ISX: variants seen among roughly 807,000 people sequenced by gnomAD.
The protein encoded by ISX is intestine-specific homeobox.
Under a neutral mutation model 16.9 loss-of-function variants are expected in ISX, and 15 were observed. The ratio of observed to expected loss-of-function variants is 0.89; its 90% CI spans 0.59 to 1.36. The LOEUF (loss-of-function observed/expected upper bound fraction) is 1.36, where lower values mean the gene tolerates loss of function less well. Among genes scored for constraint, ISX ranks in the 40% most tolerant of loss-of-function variants. ISX has a pLI of 0.00. For synonymous variants in ISX, 125 were observed against 119.7 expected (o/e 1.04, Z -0.29); for missense variants, 316 against 306.1 (o/e 1.03, Z -0.24).
chr22:35,079,893 C>T (rs549088189), intron 2 of ISX, among the ~76,000 whole-genome samples: 81 of 152,116 alleles, frequency 5.3e-4, no homozygotes, highest in Admixed American at 4.6e-4. Flanking sequence ...CCACTGCCAC[C>T]GGGTTTGGTC....
intron 3 of ISX, 73 bp downstream of exon 3, chr22:35,082,742 G>A: frequency 6.6e-7 from 1 of 1,516,628 alleles, no homozygotes; most frequent in Non-Finnish European, 9.0e-7. Flanking sequence ...TATATCCAGG[G>A]ACTTTTCGGG....
chr22:35,077,052 T>C (rs1929000663), intron 2 of ISX, among the ~76,000 whole-genome samples: 1 of 152,152 alleles, frequency 6.6e-6, no homozygotes, highest in Admixed American at 6.5e-5. Context: ...CCCAAGGGTT[T>C]TCTCACTCCT....
At chr22:35,078,373 C>G (rs1307133923) in intron 2 of ISX, among the ~76,000 whole-genome samples, 1 of 152,204 alleles carries the variant, frequency 6.6e-6, no homozygotes, top group African/African-American at 2.4e-5. Flanking sequence ...AATGAATTAA[C>G]ACCTGCCATT....
chr22:35,067,423 A>G (rs916028136), intron 2 of ISX, 107 bp downstream of exon 2: 2 of 751,354 alleles, frequency 2.7e-6, no homozygotes, highest in East Asian at 2.7e-5. Context: ...AGAGGACTCT[A>G]AAATTCAGAG....
chr22:35,082,764 A>T (rs1351006568), intron 3 of ISX, 95 bp downstream of exon 3: 2 of 1,339,074 alleles, frequency 1.5e-6, no homozygotes, highest in African/African-American at 1.4e-5. Flanking sequence ...TGCCCCATCT[A>T]AAAGTTTCTG....
intron 2 of ISX, among the ~76,000 whole-genome samples, chr22:35,069,258 A>C (rs988986338): frequency 1.3e-5 from 2 of 152,254 alleles, no homozygotes; most frequent in African/African-American, 4.8e-5. Flanking sequence ...CAAATAATAC[A>C]GATGGGATAT....
intron 2 of ISX, among the ~76,000 whole-genome samples, chr22:35,078,277 T>C (rs536564920): frequency 1.1e-3 from 169 of 152,100 alleles, no homozygotes; most frequent in South Asian, 2.5e-3. Context: ...CTATCAAGCA[T>C]GGCTTGTTCA....
chr22:35,072,974 G>A (rs1339632069), intron 2 of ISX, among the ~76,000 whole-genome samples: 2 of 152,134 alleles, frequency 1.3e-5, no homozygotes, highest in Admixed American at 6.5e-5. Flanking sequence ...TGCATGGCTA[G>A]TGAGCTGGTA....
intron 2 of ISX, among the ~76,000 whole-genome samples, chr22:35,071,397 T>G (rs1181651879): frequency 3.3e-5 from 5 of 152,192 alleles, no homozygotes. Flanking sequence ...CAGAGATAGC[T>G]CCTTCTGGAG....
intron 2 of ISX, among the ~76,000 whole-genome samples, chr22:35,068,652 C>T (rs1044546132): frequency 5.3e-5 from 8 of 152,184 alleles, no homozygotes; most frequent in African/African-American, 1.2e-4. Flanking sequence ...TCCCCTAGCC[C>T]GATGACGGCA....
chr22:35,077,468 G>A (rs1929013423), intron 2 of ISX, among the ~76,000 whole-genome samples: 1 of 151,910 alleles, frequency 6.6e-6, no homozygotes, highest in Non-Finnish European at 1.5e-5. Flanking sequence ...CATGACTCCA[G>A]GCTGAATTCT....
chr22:35,085,761 C>T lies in ISX; in HGVS notation c.*68C>T. 6.3e-7 allele frequency: 1 copy of T among 1,595,796 alleles called. No individual in the cohort carries two copies. The highest frequency in any genetic ancestry group is 8.6e-7 in the Non-Finnish European group (1 of 1,165,838). ...GGTGAAGGCAGGTAGCAGATGTGCC[C>T]TGGGCCTCTGGGGAAATCGATTTCA... On this transcript the variant is annotated 3_prime_UTR_variant, in exon 5 of 5. Coordinates refer to ENST00000404699, the MANE Select transcript of ISX (RefSeq NM_001303508.2).
intron 3 of ISX, among the ~76,000 whole-genome samples, chr22:35,084,084 G>A (rs780633962): frequency 2.0e-5 from 3 of 152,224 alleles, no homozygotes; most frequent in Non-Finnish European, 4.4e-5. Context: ...GACTGTTGAC[G>A]GGAGCTGAGA....
chr22:35,075,129 A>C (rs1928948732), intron 2 of ISX, among the ~76,000 whole-genome samples: 1 of 152,250 alleles, frequency 6.6e-6, no homozygotes, highest in African/African-American at 2.4e-5. Context: ...TGAACTCTGC[A>C]TAACACCATC....
intron 4 of ISX, among the ~76,000 whole-genome samples, chr22:35,084,809 G>C (rs562038140): frequency 6.6e-6 from 1 of 152,140 alleles, no homozygotes; most frequent in Non-Finnish European, 1.5e-5. Context: ...TTGGACACAC[G>C]GGCTCTGGAG....
intron 3 of ISX, 81 bp downstream of exon 3, chr22:35,082,750 G>A (rs537808039): frequency 8.2e-5 from 121 of 1,469,078 alleles, no homozygotes; most frequent in Non-Finnish European, 9.9e-5. Context: ...GGGACTTTTC[G>A]GGTTGCCCCA....
Position 35,072,293 on chromosome 22 carries a change from TG to T in ISX, c.229+4981del, listed in dbSNP as rs561275408. On this transcript the variant is annotated intron_variant, in intron 2 of 4. Coordinates refer to ENST00000404699, the MANE Select transcript of ISX (RefSeq NM_001303508.2). Reference sequence around the variant, plus strand: ...TGCAAAAAAGAGCACGGTATTAGTGTGGGGTCCCCCAAAAAAGCAGACCCTA... The same window carrying T: ...TGCAAAAAAGAGCACGGTATTAGTGTGGGTCCCCCAAAAAAGCAGACCCTA... Among the ~76,000 whole-genome samples the T allele has an allele frequency of 2.4e-3, 371 of 152,268 alleles. 2 individuals are homozygous for T. Among genetic ancestry groups the T allele is most frequent in the Admixed American group, 3.5e-3 (54 of 15,304 alleles).
intron 2 of ISX, among the ~76,000 whole-genome samples, chr22:35,078,797 A>G (rs1883386): frequency 0.69 from 105,755 of 152,204 alleles, 37,309 homozygotes; most frequent in Middle Eastern, 0.77. Context: ...AAATCTCACT[A>G]GCCCTGTCCC....
intron 2 of ISX, among the ~76,000 whole-genome samples, chr22:35,080,437 A>AAC (rs576097324): frequency 0.034 from 5,096 of 150,934 alleles, 91 homozygotes; most frequent in Non-Finnish European, 0.04. Context: ...CAAACACATG[A>AAC]ACACACACAC....
Sources: allele counts gnomAD v4.1 joint callset (sites outside exome capture counted in the v4.1 genomes callset), GRCh38; gene constraint gnomAD v4.1.1; transcripts MANE v1.5; gene names NCBI Gene and HGNC (gene_info 2026-07-23, HGNC 2026-07-21).